The following DYNC1I1 variants were observed in gnomAD, a reference collection of about 807,000 sequenced individuals.
DYNC1I1 encodes the protein cytoplasmic dynein 1 intermediate chain 1.
DYNC1I1 carries 43 observed loss-of-function variants against 86.6 expected under a neutral mutation model. The ratio of observed to expected loss-of-function variants is 0.50; its 90% CI spans 0.39 to 0.64. The LOEUF (loss-of-function observed/expected upper bound fraction) is 0.64, where lower values mean the gene tolerates loss of function less well. DYNC1I1 is among the 30% of genes least tolerant of loss of function. The probability of loss-of-function intolerance (pLI) is 0.00; values close to 1 mark genes in which losing one functional copy is unlikely to be tolerated. For synonymous variants in DYNC1I1, 262 were observed against 283.7 expected (o/e 0.92, Z 0.77); for missense variants, 604 against 788.8 (o/e 0.77, Z 2.81).
chr7:95,819,797 A>C (rs751433269), intron 4 of DYNC1I1, among the ~76,000 whole-genome samples: 2 of 152,186 alleles, frequency 1.3e-5, no homozygotes, highest in Non-Finnish European at 2.9e-5. Flanking sequence ...GATTTACACT[A>C]TAGGGTTTTC....
At chr7:95,812,056 A>G (rs998626528) in intron 3 of DYNC1I1, among the ~76,000 whole-genome samples, 1 of 152,142 alleles carries the variant, frequency 6.6e-6, no homozygotes, top group Non-Finnish European at 1.5e-5. Context: ...TTTTTCAGCC[A>G]TCTCTTCGAC....
intron 6 of DYNC1I1, among the ~76,000 whole-genome samples, chr7:95,875,833 T>G (rs1201504033): frequency 6.6e-6 from 1 of 152,170 alleles, no homozygotes; most frequent in Non-Finnish European, 1.5e-5. Context: ...GCATTGGCTA[T>G]CTCTCTTTTG....
At chr7:95,847,166 C>G (rs1789454640) in intron 5 of DYNC1I1, among the ~76,000 whole-genome samples, 2 of 152,188 alleles carry the variant, frequency 1.3e-5, no homozygotes, top group African/African-American at 2.4e-5. Flanking sequence ...CTTTTCTTCA[C>G]CCTCCATATC....
chr7:96,101,171 G>C (rs1447667231), downstream of DYNC1I1, among the ~76,000 whole-genome samples: 3 of 152,166 alleles, frequency 2.0e-5, no homozygotes, highest in Non-Finnish European at 1.5e-5. Context: ...AGCCAAGAAG[G>C]CTTTACCCAT....
intron 6 of DYNC1I1, among the ~76,000 whole-genome samples, chr7:95,915,811 T>C (rs916968040): frequency 3.9e-5 from 6 of 152,228 alleles, no homozygotes; most frequent in African/African-American, 1.4e-4. Flanking sequence ...GTTGTTTGCT[T>C]TCCAGTTAGG....
chr7:95,829,085 T>C (rs2115930813), intron 5 of DYNC1I1, among the ~76,000 whole-genome samples: 1 of 152,314 alleles, frequency 6.6e-6, no homozygotes, highest in Non-Finnish European at 1.5e-5. Context: ...AACCATTATC[T>C]TTTCTTTCTA....
At chr7:95,874,109 C>T (rs1790242546) in intron 6 of DYNC1I1, among the ~76,000 whole-genome samples, 1 of 152,156 alleles carries the variant, frequency 6.6e-6, no homozygotes, top group Non-Finnish European at 1.5e-5. Context: ...TTCTTCATGC[C>T]ACTCACACTA....
intron 16 of DYNC1I1, among the ~76,000 whole-genome samples, chr7:96,104,173 G>C (rs1390296936): frequency 6.6e-6 from 1 of 151,942 alleles, no homozygotes; most frequent in Non-Finnish European, 1.5e-5. Context: ...TTGTTAATCA[G>C]ATAATATTTA....
chr7:95,984,367 A>T (rs1331137838), intron 7 of DYNC1I1, among the ~76,000 whole-genome samples: 6 of 152,190 alleles, frequency 3.9e-5, no homozygotes, highest in Non-Finnish European at 8.8e-5. Context: ...TAGAAAAAGG[A>T]AAGGTACTAT....
intron 6 of DYNC1I1, among the ~76,000 whole-genome samples, chr7:95,940,826 G>C (rs1306775493): frequency 6.6e-6 from 1 of 152,210 alleles, no homozygotes; most frequent in East Asian, 1.9e-4. Flanking sequence ...GTCCAGCTTT[G>C]TTCCGTTGCT....
At chr7:95,879,855 G>A (rs1210446183) in intron 6 of DYNC1I1, among the ~76,000 whole-genome samples, 3 of 152,238 alleles carry the variant, frequency 2.0e-5, no homozygotes, top group South Asian at 2.1e-4. Flanking sequence ...TTGTAGGAAG[G>A]TAATTGTCCA....
chr7:95,952,755 T>C (rs1238085136), intron 6 of DYNC1I1, among the ~76,000 whole-genome samples: 1 of 152,154 alleles, frequency 6.6e-6, no homozygotes, highest in African/African-American at 2.4e-5. Flanking sequence ...AAAGCTTCAA[T>C]ATGTTTTTAC....
intron 5 of DYNC1I1, among the ~76,000 whole-genome samples, chr7:95,829,855 A>T (rs889047307): frequency 1.3e-5 from 2 of 152,004 alleles, no homozygotes; most frequent in African/African-American, 4.8e-5. Context: ...CAAACTAGGC[A>T]TTTATTTATT....
intron 9 of DYNC1I1, among the ~76,000 whole-genome samples, chr7:95,991,985 G>A (rs1420198110): frequency 6.6e-6 from 1 of 152,022 alleles, no homozygotes; most frequent in East Asian, 1.9e-4. Flanking sequence ...TCCCCATCCC[G>A]AGTAGCTGGG....
chr7:95,954,384 G>A (rs56384211), intron 6 of DYNC1I1, among the ~76,000 whole-genome samples: 4,941 of 151,772 alleles, frequency 0.033, 217 homozygotes, highest in African/African-American at 0.098. Flanking sequence ...CAGTTGCCAC[G>A]TGTGCTTCAT....
rs561851963 is a variant in DYNC1I1, at chr7:95,829,354, A to G, written c.374+1238A>G. ...CTAACATTTAGGTAACCGATGCACT[A>G]TTTCTTTTTTAACCTTACTAAATTC... is the stretch of plus-strand genomic sequence containing the variant. On this transcript the variant is annotated intron_variant, in intron 5 of 16. Coordinates refer to ENST00000447467, the MANE Select transcript of DYNC1I1 (RefSeq NM_001135556.2). Among the ~76,000 whole-genome samples, 95 of 152,254 alleles carry G rather than the reference A, an allele frequency of 6.2e-4. No individual in the cohort carries two copies. The South Asian group carries it at 0.011, about 17-fold the overall frequency.
At position 95,805,779 on chromosome 7, in the gene DYNC1I1, T is replaced by C. The variant is rs1482439659; in HGVS notation, c.108+942T>C. Among the ~76,000 whole-genome samples the C allele has an allele frequency of 2.0e-5, 3 of 152,170 alleles. No individual in the cohort carries two copies. The East Asian group carries it at 5.8e-4, about 29-fold the overall frequency. On this transcript the variant is annotated intron_variant, in intron 2 of 16. Coordinates refer to ENST00000447467, the MANE Select transcript of DYNC1I1 (RefSeq NM_001135556.2). Reference sequence around the variant, plus strand: ...AAACTTCGTGTGGTATGATATGCTTTTGTGTATAGAAACCAGAGCTGCTTC... The same window carrying C: ...AAACTTCGTGTGGTATGATATGCTTCTGTGTATAGAAACCAGAGCTGCTTC...
intron 16 of DYNC1I1, among the ~76,000 whole-genome samples, chr7:96,093,039 G>A (rs1233307249): frequency 1.3e-5 from 2 of 152,052 alleles, no homozygotes; most frequent in African/African-American, 2.4e-5. Flanking sequence ...AAAGGTCTAC[G>A]CCCTGCTTCT....
chr7:95,999,168 C>T (rs979797682), intron 10 of DYNC1I1, among the ~76,000 whole-genome samples: 3 of 152,294 alleles, frequency 2.0e-5, no homozygotes, highest in Middle Eastern at 3.4e-3. Flanking sequence ...GGCTTCCACA[C>T]ACTGTCATTA....
Sources: allele counts gnomAD v4.1 joint callset (sites outside exome capture counted in the v4.1 genomes callset), GRCh38; gene constraint gnomAD v4.1.1; transcripts MANE v1.5; gene names NCBI Gene and HGNC (gene_info 2026-07-23, HGNC 2026-07-21).